SAMD12: variants seen among roughly 807,000 people sequenced by gnomAD.
SAMD12 encodes the protein sterile alpha motif domain-containing protein 12.
Under a neutral mutation model 15.0 loss-of-function variants are expected in SAMD12, and 9 were observed. That is an observed-to-expected ratio of 0.60 (90% confidence interval 0.36 to 1.05). The LOEUF (loss-of-function observed/expected upper bound fraction) is 1.05. Among genes scored for constraint, SAMD12 ranks in the 50% least tolerant of loss-of-function variants. The pLI is 0.01. For synonymous variants in SAMD12, 86 were observed against 90.1 expected (o/e 0.96, Z 0.25); for missense variants, 230 against 234.2 (o/e 0.98, Z 0.12).
Position 118,592,003 on chromosome 8 carries a change from A to G in SAMD12, c.14-11110T>C, listed in dbSNP as rs1157634632. Among the ~76,000 whole-genome samples, 5 of 152,338 alleles carry G rather than the reference A, an allele frequency of 3.3e-5. No homozygotes were observed. In the East Asian group the frequency reaches 9.6e-4, roughly 29 times the overall value. On this transcript the variant is annotated intron_variant, in intron 1 of 3. Transcript: ENST00000314727. ...AGGGGAAGACTAAGAGATGCTAAGC[A>G]ACATGTTTAAGGCCACCATAAAAAT...
chr8:118,605,817 T>C (rs184806336), intron 1 of SAMD12, among the ~76,000 whole-genome samples: 2,819 of 107,098 alleles, frequency 0.026, 266 homozygotes, highest in African/African-American at 0.099. Flanking sequence ...TATATATATA[T>C]ATATATATAT....
intron 3 of SAMD12, among the ~76,000 whole-genome samples, chr8:118,429,131 C>T (rs1372571131): frequency 6.6e-6 from 1 of 152,052 alleles, no homozygotes; most frequent in Non-Finnish European, 1.5e-5. Context: ...TTACAGTTTT[C>T]TGTGTAGTCT....
chr8:118,202,566 C>T (rs1336947202), intron 4 of SAMD12, among the ~76,000 whole-genome samples: 9 of 152,286 alleles, frequency 5.9e-5, no homozygotes, highest in East Asian at 5.8e-4. Context: ...GATTATGTCC[C>T]GCCCCACCTT....
chr8:118,527,162 C>A (rs1008437926), intron 2 of SAMD12, among the ~76,000 whole-genome samples: 1 of 152,180 alleles, frequency 6.6e-6, no homozygotes, highest in African/African-American at 2.4e-5. Flanking sequence ...TTGTCTCTGT[C>A]TGGATCATTG....
intron 1 of SAMD12, among the ~76,000 whole-genome samples, chr8:118,620,150 T>A (rs1416934818): frequency 6.6e-6 from 1 of 152,140 alleles, no homozygotes; most frequent in East Asian, 1.9e-4. Flanking sequence ...AAATTTATAC[T>A]TCTTACAGGG....
At chr8:118,275,606 A>C (rs1360042191) in intron 4 of SAMD12, among the ~76,000 whole-genome samples, 1 of 152,238 alleles carries the variant, frequency 6.6e-6, no homozygotes, top group East Asian at 1.9e-4. Context: ...GGTTTGTTAC[A>C]TAGGTGTATT....
intron 1 of SAMD12, among the ~76,000 whole-genome samples, chr8:118,584,934 C>T (rs1462726153): frequency 2.6e-5 from 4 of 151,374 alleles, no homozygotes; most frequent in East Asian, 3.9e-4. Flanking sequence ...CACACACACA[C>T]ACACACACAC....
intron 2 of SAMD12, among the ~76,000 whole-genome samples, chr8:118,497,723 C>CGGGGGCG: frequency 1.7e-5 from 1 of 58,788 alleles, no homozygotes; most frequent in African/African-American, 6.4e-5. Context: ...ACTTAAGTTG[C>CGGGGGCG]GGGGGGGGGT....
intron 3 of SAMD12, chr8:118,394,946 C>A (rs1350471852): frequency 6.6e-6 from 1 of 152,212 alleles, no homozygotes; most frequent in African/African-American, 2.4e-5. Flanking sequence ...AGGGGATGCT[C>A]TGTGGAGTCT....
At chr8:118,154,745 G>A in the SAMD12 span, among the ~76,000 whole-genome samples, 1 of 152,118 alleles carries the variant, frequency 6.6e-6, no homozygotes, top group Non-Finnish European at 1.5e-5. Context: ...AAACATTTGT[G>A]CAATAGAAAA....
intron 4 of SAMD12, among the ~76,000 whole-genome samples, chr8:118,294,617 AC>A (rs1308595786): frequency 6.6e-6 from 1 of 152,238 alleles, no homozygotes; most frequent in Non-Finnish European, 1.5e-5. Flanking sequence ...ATAAACAGGA[AC>A]TTAACTTCTT....
At chr8:118,431,298 A>T (rs905124205) in intron 3 of SAMD12, among the ~76,000 whole-genome samples, 7 of 152,080 alleles carry the variant, frequency 4.6e-5, no homozygotes, top group African/African-American at 1.7e-4. Flanking sequence ...AGAAAAAAGG[A>T]ATTTATTTTA....
chr8:118,238,628 C>T (rs1007362683), intron 4 of SAMD12, among the ~76,000 whole-genome samples: 1 of 152,154 alleles, frequency 6.6e-6, no homozygotes, highest in African/African-American at 2.4e-5. Flanking sequence ...CTAGTCAACA[C>T]ATTCATTCTA....
At chr8:118,570,385 C>T (rs542971875) in intron 2 of SAMD12, among the ~76,000 whole-genome samples, 125 of 152,152 alleles carry the variant, frequency 8.2e-4, no homozygotes, top group African/African-American at 2.9e-3. Context: ...CACAGGGTCC[C>T]GTATGTGTTG....
chr8:118,566,662 A>T (rs1826860745), intron 2 of SAMD12, among the ~76,000 whole-genome samples: 1 of 152,196 alleles, frequency 6.6e-6, no homozygotes, highest in Admixed American at 6.5e-5. Flanking sequence ...TGCCCATAGA[A>T]GCTTAGAAAG....
chr8:118,524,151 T>A (rs1353701069), intron 2 of SAMD12, among the ~76,000 whole-genome samples: 1 of 152,154 alleles, frequency 6.6e-6, no homozygotes, highest in Non-Finnish European at 1.5e-5. Context: ...TTCTTGCTCT[T>A]GTTCTCCAAA....
At chr8:118,430,601 C>G (rs1434731820) in intron 3 of SAMD12, among the ~76,000 whole-genome samples, 5 of 152,112 alleles carry the variant, frequency 3.3e-5, no homozygotes, top group Non-Finnish European at 7.4e-5. Context: ...ACCTTGTGAT[C>G]CATCCGCCTT....
intron 4 of SAMD12, among the ~76,000 whole-genome samples, chr8:118,265,660 C>G (rs987768898): frequency 6.0e-5 from 9 of 151,184 alleles, no homozygotes; most frequent in Non-Finnish European, 1.3e-4. Flanking sequence ...TATTTCAACA[C>G]TAATTTAGAA....
chr8:118,527,627 T>G (rs1249527048), intron 2 of SAMD12, among the ~76,000 whole-genome samples: 1 of 152,202 alleles, frequency 6.6e-6, no homozygotes, highest in Non-Finnish European at 1.5e-5. Context: ...TTTGCCTATT[T>G]CTTGATTTTA....
Sources: gnomAD v4.1 joint callset for allele counts (sites outside exome capture counted in the v4.1 genomes callset) on GRCh38, gnomAD v4.1.1 for gene constraint, MANE v1.5 for transcripts, NCBI Gene and HGNC (gene_info 2026-07-23, HGNC 2026-07-21) for gene names.